RAPGEF4: variants seen among roughly 807,000 people sequenced by gnomAD.
RAPGEF4 encodes Rap guanine nucleotide exchange factor 4.
RAPGEF4 carries 66 observed loss-of-function variants against 147.9 expected under a neutral mutation model. The ratio of observed to expected loss-of-function variants is 0.45; its 90% confidence interval spans 0.37 to 0.55. The LOEUF (loss-of-function observed/expected upper bound fraction) is 0.55, where lower values mean the gene tolerates loss of function less well. RAPGEF4 is among the 20% of genes least tolerant of loss of function. The pLI is 0.00. For synonymous variants in RAPGEF4, 419 were observed against 442.7 expected, an observed-to-expected ratio of 0.95 and a Z score of 0.67; for missense variants, 1,071 against 1,257.3, an observed-to-expected ratio of 0.85 and a Z score of 2.24.
At chr2:172,789,419 G>A (rs1311266500) in intron 1 of RAPGEF4, among the ~76,000 whole-genome samples, 1 of 152,132 alleles carries the variant, frequency 6.6e-6, no homozygotes, top group Admixed American at 6.5e-5. Flanking sequence ...GTTCTACAGT[G>A]TCTTTGTTTA....
At chr2:173,036,361 C>A in intron 28 of RAPGEF4, 149 bp downstream of exon 28, 1 of 686,840 alleles carries the variant, frequency 1.5e-6, no homozygotes, top group Non-Finnish European at 2.5e-6. Flanking sequence ...CCTGACTGTT[C>A]AGAAAGGGTC....
intron 17 of RAPGEF4, among the ~76,000 whole-genome samples, chr2:173,009,662 CA>C (rs1335250040): frequency 2.4e-4 from 36 of 152,280 alleles, no homozygotes. Context: ...ACTGTGTAAG[CA>C]AAACTTCAAG....
intron 6 of RAPGEF4, among the ~76,000 whole-genome samples, chr2:172,927,275 G>T (rs1222410254): frequency 6.6e-6 from 1 of 152,132 alleles, no homozygotes; most frequent in Non-Finnish European, 1.5e-5. Flanking sequence ...AGGGTCAAAA[G>T]GTTAGGAATT....
chr2:172,779,731 G>T (rs901178939), intron 1 of RAPGEF4, among the ~76,000 whole-genome samples: 21 of 152,236 alleles, frequency 1.4e-4, no homozygotes, highest in African/African-American at 5.1e-4. Flanking sequence ...GAGGGCAAGG[G>T]TGGAAGCAGG....
chr2:172,821,779 G>C, intron 4 of RAPGEF4: 1 of 1,174,132 alleles, frequency 8.5e-7, no homozygotes. Flanking sequence ...TTTTCTTATT[G>C]CCTTAGACTG....
At chr2:173,005,520 G>GTTTTTTTTTTTTTTTTTT (rs573596077) in intron 17 of RAPGEF4, among the ~76,000 whole-genome samples, 20 of 86,736 alleles carry the variant, frequency 2.3e-4, no homozygotes, top group Admixed American at 3.2e-4. Context: ...GTTGTTTTGT[G>GTTTTTTTTTTTTTTTTTT]TTTTTTTTTT....
intron 4 of RAPGEF4, among the ~76,000 whole-genome samples, chr2:172,903,700 T>C (rs1699325623): frequency 1.2e-5 from 1 of 80,488 alleles, no homozygotes; most frequent in Non-Finnish European, 2.4e-5. Flanking sequence ...AGAGACCCTA[T>C]GGATACTGTA....
chr2:172,795,189 G>A (rs1427655793), intron 2 of RAPGEF4, 22 bp downstream of exon 2: 3 of 1,575,300 alleles, frequency 1.9e-6, no homozygotes, highest in Admixed American at 3.3e-5. Context: ...AACTCTTGTA[G>A]TATATTTCCA....
At chr2:172,996,668 G>A (rs1261915293) in intron 16 of RAPGEF4, 114 bp downstream of exon 16, 4 of 706,988 alleles carry the variant, frequency 5.7e-6, no homozygotes, top group Non-Finnish European at 9.5e-6. Context: ...GGGATTCTGT[G>A]TATTGATATT....
intron 1 of RAPGEF4, among the ~76,000 whole-genome samples, chr2:172,760,110 T>C (rs987552925): frequency 3.9e-5 from 6 of 152,030 alleles, no homozygotes; most frequent in African/African-American, 7.2e-5. Context: ...CCCAGAGAAA[T>C]AGAAAACTTT....
rs1291510466 is a variant in RAPGEF4, at chr2:172,794,352, AAAAAAAAAAAAAAG to A, written c.66-666_66-653del. On this transcript the variant is annotated intron_variant, in intron 1 of 30. Transcript: ENST00000397081. The stretch of plus-strand genomic sequence containing the variant: ...ACAAAAGTGAAACTCCATCTCAAAA[AAAAAAAAAAAAAAG>A]AAAAAAGAAAAAAGCAGACAAATGT... 1.3e-4 allele frequency among the ~76,000 whole-genome samples: 20 copies of A among 150,476 alleles called. No individual in the cohort carries two copies. The East Asian group carries it at 3.3e-3, about 25-fold the overall frequency.
intron 4 of RAPGEF4, among the ~76,000 whole-genome samples, chr2:172,833,370 T>C (rs1404418224): frequency 6.6e-6 from 1 of 151,922 alleles, no homozygotes; most frequent in African/African-American, 2.4e-5. Flanking sequence ...ATGGATGTTA[T>C]ACAAAACTTA....
intron 6 of RAPGEF4, among the ~76,000 whole-genome samples, chr2:172,929,178 A>G (rs1685670440): frequency 6.6e-6 from 1 of 151,942 alleles, no homozygotes; most frequent in African/African-American, 2.4e-5. Context: ...ATTATTTGCA[A>G]AATATGTCTT....
chr2:172,872,838 A>G (rs1695404582), intron 4 of RAPGEF4, among the ~76,000 whole-genome samples: 1 of 152,098 alleles, frequency 6.6e-6, no homozygotes. Context: ...ATAGTTCTTT[A>G]TAGCAGTGAG....
intron 6 of RAPGEF4, among the ~76,000 whole-genome samples, chr2:172,947,196 G>T (rs1423948650): frequency 1.3e-5 from 2 of 152,100 alleles, no homozygotes; most frequent in African/African-American, 2.4e-5. Context: ...TGAATAAATA[G>T]GATACATTAA....
intron 1 of RAPGEF4, chr2:172,744,191 T>C: frequency 3.8e-6 from 1 of 263,772 alleles, no homozygotes; most frequent in South Asian, 3.9e-5. Flanking sequence ...TGACTTTTAT[T>C]CCACTTTTAT....
chr2:172,920,398 A>G (rs1244445158), intron 5 of RAPGEF4, among the ~76,000 whole-genome samples: 2 of 152,128 alleles, frequency 1.3e-5, no homozygotes, highest in Non-Finnish European at 2.9e-5. Context: ...CCATATTCAA[A>G]TGTTCCCAAC....
chr2:172,878,281 A>G (rs907260351), intron 4 of RAPGEF4, among the ~76,000 whole-genome samples: 2 of 152,144 alleles, frequency 1.3e-5, no homozygotes, highest in East Asian at 1.9e-4. Context: ...ATTCTCTTCT[A>G]TCTTTTTCCC....
chr2:173,018,594 A>G, intron 21 of RAPGEF4, 62 bp from the exon 22 acceptor site: 3 of 1,517,078 alleles, frequency 2.0e-6, no homozygotes, highest in Non-Finnish European at 2.7e-6. Context: ...CATTTTTCAT[A>G]ACTATAGTTT....
Sources: allele counts gnomAD v4.1 joint callset (sites outside exome capture counted in the v4.1 genomes callset), GRCh38; gene constraint gnomAD v4.1.1; transcripts MANE v1.5; gene names NCBI Gene and HGNC (gene_info 2026-07-23, HGNC 2026-07-21).